The following PRKD3 variants were observed in gnomAD, a reference collection of about 807,000 sequenced individuals.
PRKD3 encodes serine/threonine-protein kinase D3.
Under a neutral mutation model 99.2 loss-of-function variants are expected in PRKD3, and 47 were observed. The observed-to-expected ratio is 0.47, with a 90% CI of 0.38 to 0.60. The LOEUF is 0.60. Among genes scored for constraint, PRKD3 ranks in the 20% least tolerant of loss-of-function variants. PRKD3 has a pLI of 0.00. For missense variants in PRKD3, 1,019 were observed against 1,088.4 expected, an observed-to-expected ratio of 0.94 and a Z score of 0.90; for synonymous variants, 392 against 355.4, an observed-to-expected ratio of 1.10 and a Z score of -1.16.
intron 2 of PRKD3, among the ~76,000 whole-genome samples, chr2:37,311,981 A>G (rs1452696056): frequency 1.3e-5 from 2 of 152,266 alleles, no homozygotes; most frequent in East Asian, 3.8e-4. Flanking sequence ...TAACCTTGCA[A>G]CTACATGCAT....
At chr2:37,288,654 ACT>A (rs1286793643) in intron 5 of PRKD3, among the ~76,000 whole-genome samples, 3 of 152,142 alleles carry the variant, frequency 2.0e-5, no homozygotes, top group Non-Finnish European at 2.9e-5. Flanking sequence ...AAAAAAAATC[ACT>A]GATTTATTAA....
At chr2:37,320,126 A>G (rs1483490304) in intron 1 of PRKD3, among the ~76,000 whole-genome samples, 1 of 152,184 alleles carries the variant, frequency 6.6e-6, no homozygotes, top group Non-Finnish European at 1.5e-5. Context: ...CCTTGCAACA[A>G]CTCTAGGAGG....
chr2:37,278,066 T>TTA lies in PRKD3; in HGVS notation c.1173-78_1173-77insTA, dbSNP rs1669660870. On this transcript the variant is annotated intron_variant, in intron 8 of 18. Coordinates refer to ENST00000234179, the MANE Select transcript of PRKD3 (RefSeq NM_005813.6). ...TAAATACTGTAGGAACATGAAGCCT[T>TTA]TTTAAAGACAACTGAGCTAAAATTT... 2.3e-6 allele frequency: 3 copies of TTA among 1,282,642 alleles called. No individual in the cohort carries two copies. The South Asian group carries it at 5.4e-5, about 23-fold the overall frequency. The allele number at this position is 1,282,642 out of a possible 1,614,324, so 79.5% of individuals were successfully genotyped here. A position where few individuals can be genotyped will look rare whatever the true frequency, so the allele number is the denominator to read the frequency against.
intron 8 of PRKD3, chr2:37,279,326 A>G (rs1420032212): frequency 1.3e-5 from 2 of 153,206 alleles, no homozygotes; most frequent in African/African-American, 4.8e-5. Context: ...CTTCATCACC[A>G]TTATCCTTGT....
chr2:37,296,938 A>G (rs1405356033), intron 2 of PRKD3, among the ~76,000 whole-genome samples: 2 of 151,544 alleles, frequency 1.3e-5, no homozygotes, highest in Non-Finnish European at 2.9e-5. Flanking sequence ...GTAAGAGTCT[A>G]AACTAAAAAC....
chr2:37,302,911 T>C (rs569569083), intron 2 of PRKD3, among the ~76,000 whole-genome samples: 8 of 152,236 alleles, frequency 5.3e-5, no homozygotes, highest in African/African-American at 1.9e-4. Flanking sequence ...CTGAAACCCA[T>C]TGCCCAAAGT....
intron 1 of PRKD3, among the ~76,000 whole-genome samples, chr2:37,319,657 T>C (rs1034825063): frequency 6.6e-6 from 1 of 152,048 alleles, no homozygotes; most frequent in African/African-American, 2.4e-5. Context: ...CCTAGGTCAC[T>C]GAGAACACAT....
intron 11 of PRKD3, among the ~76,000 whole-genome samples, chr2:37,273,619 G>C (rs997428928): frequency 6.6e-6 from 1 of 152,120 alleles, no homozygotes; most frequent in Admixed American, 6.5e-5. Flanking sequence ...GAGCTTTTAT[G>C]ATTTCTGTAT....
rs754092348 is a variant in PRKD3, at chr2:37,287,230, C to CAAAAAAA, written c.718-868_718-862dup. 6.0e-4 allele frequency among the ~76,000 whole-genome samples: 32 copies of CAAAAAAA among 53,648 alleles called. 1 individual carries two copies. The highest frequency in any genetic ancestry group is 9.4e-4 in the South Asian group (1 of 1,068). 35.2% of individuals were successfully genotyped at this position (53,648 alleles called of 152,430 possible). A position where few individuals can be genotyped will look rare whatever the true frequency, so the allele number is the denominator to read the frequency against. ...GGGCAACAAGAGCGAAACTCCATCT[C>CAAAAAAA]AAAAAAAAAAAAAAAAAAAAAAAAA... On this transcript the variant is annotated intron_variant, in intron 5 of 18. Coordinates refer to ENST00000234179, the MANE Select transcript of PRKD3 (RefSeq NM_005813.6).
intron 14 of PRKD3, among the ~76,000 whole-genome samples, chr2:37,261,925 T>C (rs1315710851): frequency 6.6e-6 from 1 of 152,194 alleles, no homozygotes; most frequent in Non-Finnish European, 1.5e-5. Flanking sequence ...TTTTTTTGAG[T>C]ATTCATAAAT....
rs764038827 is a variant in PRKD3, at chr2:37,272,388, C to G, written c.1696G>C (p.Glu566Gln). The change falls in exon 12 of 19, where the codon GAG becomes CAG. Residue 566 changes from glutamate (E) to glutamine (Q), a missense_variant. Glu to Gln is a conservative substitution (Grantham distance 29, BLOSUM62 2). Around this residue, in one of 3 missense-constraint regions of PRKD3, gnomAD observed 710 missense variants for 692.7 expected, o/e 1.02. Coordinates refer to ENST00000234179, the MANE Select transcript of PRKD3 (RefSeq NM_005813.6). ...CTATAACGATTACTTACCACATTCT[C>G]CTGAATCTGACAATTAGATACAGAG... ...SISVSNCQIQ[E>Q]NVDISTVYQI... The G allele has an allele frequency of 6.2e-7, 1 of 1,605,508 alleles. No homozygotes were observed. The highest frequency in any genetic ancestry group is 1.7e-5 in the Admixed American group (1 of 57,718).
intron 1 of PRKD3, among the ~76,000 whole-genome samples, chr2:37,323,671 A>G (rs985772194): frequency 6.6e-6 from 1 of 152,184 alleles, no homozygotes; most frequent in African/African-American, 2.4e-5. Flanking sequence ...ATTAAGTAGA[A>G]GGGTAAAAAA....
Position 37,290,931 on chromosome 2 carries a change from T to C in PRKD3, c.496A>G (p.Thr166Ala), listed in dbSNP as rs1670388815. Residue 166 changes from threonine (T) to alanine (A), a missense_variant, in exon 4 of 19, where the codon ACT becomes GCT. By Grantham distance (58) the Thr-to-Ala change is moderately conservative. Around this residue, in one of 3 missense-constraint regions of PRKD3, gnomAD observed 710 missense variants for 692.7 expected, o/e 1.02. Coordinates refer to ENST00000234179, the MANE Select transcript of PRKD3 (RefSeq NM_005813.6). ...TLYVHSYKAP[T>A]FCDYCGEMLW... ...ATCTCACCACAGTAATCACAGAAAG[T>C]AGGAGCTTTGTAAGAATGTACATAG... 4 of 1,603,630 alleles carry C rather than the reference T, an allele frequency of 2.5e-6. No homozygotes were observed. Among genetic ancestry groups the C allele is most frequent in the Non-Finnish European group, 3.4e-6 (4 of 1,170,418 alleles).
intron 1 of PRKD3, among the ~76,000 whole-genome samples, chr2:37,323,401 C>T (rs537586536): frequency 6.6e-6 from 1 of 151,836 alleles, no homozygotes; most frequent in Non-Finnish European, 1.5e-5. Flanking sequence ...CTCAGGCCCA[C>T]CACAACTGTA....
At position 37,292,936 on chromosome 2, in the gene PRKD3, G is replaced by T. The variant is rs11683872; in HGVS notation, c.427+197C>A. 179,133 of 487,028 alleles carry T rather than the reference G, an allele frequency of 0.37. 34,966 individuals carry two copies. The highest frequency in any genetic ancestry group is 0.4 in the Non-Finnish European group (121,715 of 302,184). 30.2% of individuals were successfully genotyped at this position (487,028 alleles called of 1,614,324 possible). On this transcript the variant is annotated intron_variant, in intron 3 of 18. Coordinates refer to ENST00000234179, the MANE Select transcript of PRKD3 (RefSeq NM_005813.6). Reference sequence around the variant, plus strand: ...GCTGGGCTTACAGGTGTGAGCCACCGTTGCCAGGTATTTTTCTTTCTTAAT... The same window carrying T: ...GCTGGGCTTACAGGTGTGAGCCACCTTTGCCAGGTATTTTTCTTTCTTAAT...
intron 10 of PRKD3, 71 bp from the exon 11 acceptor site, chr2:37,274,768 C>G: frequency 7.2e-7 from 1 of 1,392,160 alleles, no homozygotes; most frequent in Non-Finnish European, 9.8e-7. Context: ...CACTAAAGAA[C>G]CAGAGATATG....
intron 2 of PRKD3, among the ~76,000 whole-genome samples, chr2:37,293,732 T>A (rs537724740): frequency 1.3e-5 from 2 of 152,334 alleles, no homozygotes; most frequent in Non-Finnish European, 2.9e-5. Flanking sequence ...TGACACCATG[T>A]CACCTGCCTG....
In PRKD3 at chr2:37,251,304, T is replaced by C. The variant is rs934844046; in HGVS notation, c.*1873A>G. ...CCTGGAGGTATTTATGGGTAGATAG[T>C]ACAGCATAATGGTTGGGAGGGCTAA... On this transcript the variant is annotated 3_prime_UTR_variant, in exon 19 of 19. Coordinates refer to ENST00000234179, the MANE Select transcript of PRKD3 (RefSeq NM_005813.6). 1.3e-5 allele frequency: 2 copies of C among 152,606 alleles called. No individual in the cohort carries two copies. The highest frequency in any genetic ancestry group is 2.9e-5 in the Non-Finnish European group (2 of 68,042). The allele number at this position is 152,606 out of a possible 1,614,324, so 9.5% of individuals were successfully genotyped here. A position where few individuals can be genotyped will look rare whatever the true frequency, so the allele number is the denominator to read the frequency against.
chr2:37,281,429 A>T (rs2148555561), intron 7 of PRKD3, among the ~76,000 whole-genome samples: 1 of 152,280 alleles, frequency 6.6e-6, no homozygotes, highest in South Asian at 2.1e-4. Context: ...TAAAAATCTT[A>T]ACTCCCAAGG....
Sources: gnomAD v4.1 joint callset for allele counts (sites outside exome capture counted in the v4.1 genomes callset) on GRCh38, gnomAD v4.1.1 for gene constraint, gnomAD v4.1.1 regional missense constraint, MANE v1.5 for transcripts, NCBI Gene and HGNC (gene_info 2026-07-23, HGNC 2026-07-21) for gene names.